The following RBBP4 variants were observed in gnomAD, a reference collection of about 807,000 sequenced individuals.
The protein encoded by RBBP4 is histone-binding protein RBBP4.
A neutral mutation model predicts 57.2 loss-of-function variants in RBBP4; 3 were observed. The observed-to-expected ratio is 0.05, with a 90% CI of 0.02 to 0.14. The LOEUF (loss-of-function observed/expected upper bound fraction) is 0.14, where lower values mean the gene tolerates loss of function less well. Among genes scored for constraint, RBBP4 ranks in the 10% least tolerant of loss-of-function variants. The pLI is 1.00. For missense variants in RBBP4, 107 were observed against 520.6 expected, an observed-to-expected ratio of 0.21 and a Z score of 7.73; for synonymous variants, 151 against 171.5, an observed-to-expected ratio of 0.88 and a Z score of 0.93.
At chr1:32,678,469 C>A (rs1085458) in intron 11 of RBBP4, among the ~76,000 whole-genome samples, 125,890 of 151,908 alleles carry the variant, frequency 0.83, 54,656 homozygotes, top group Non-Finnish European at 0.96. Context: ...TCAGGTGATA[C>A]GCCTGCCTTG....
intron 2 of RBBP4, among the ~76,000 whole-genome samples, chr1:32,652,662 C>T (rs1309117816): frequency 4.6e-5 from 7 of 152,154 alleles, no homozygotes; most frequent in Admixed American, 3.9e-4. Context: ...TGCCTAAGCC[C>T]TCCCAAGTAG....
In RBBP4 at chr1:32,683,661, TC is replaced by T. The variant is rs541879021; in HGVS notation, c.*3957del. The stretch of plus-strand genomic sequence containing the variant: ...GGGTTTTTGTTTTGTTTTGAGGCAG[TC>T]TCACTCTGTTGTACAAGCTGGAGTG... On this transcript the variant is annotated 3_prime_UTR_variant, in exon 12 of 12. Coordinates refer to ENST00000373493, the MANE Select transcript of RBBP4 (RefSeq NM_005610.3). 457 of 173,830 alleles carry T rather than the reference TC, an allele frequency of 2.6e-3. 3 individuals carry two copies. The highest frequency in any genetic ancestry group is 9.9e-3 in the African/African-American group (416 of 42,204). The allele number at this position is 173,830 out of a possible 1,614,324, so 10.8% of individuals were successfully genotyped here. A position where few individuals can be genotyped will look rare whatever the true frequency, so the allele number is the denominator to read the frequency against.
chr1:32,665,054 A>G (rs1327123101), intron 3 of RBBP4, among the ~76,000 whole-genome samples: 1 of 152,200 alleles, frequency 6.6e-6, no homozygotes, highest in Non-Finnish European at 1.5e-5. Context: ...GACTTAGTGC[A>G]GGGTTGCTGT....
rs1285270077 is a variant in RBBP4 at position 32,681,918 on chromosome 1, G to C, written c.*2213G>C. On this transcript the variant is annotated 3_prime_UTR_variant, in exon 12 of 12. Transcript: ENST00000373493. ...GAACTTCTGAGGTTTAGTTACTGCA[G>C]GCTTTGTTGAGAAGAGATTGTTACA... 3.4e-6 allele frequency: 5 copies of C among 1,477,418 alleles called. No homozygotes were observed. The East Asian group carries it at 1.1e-4, about 33-fold the overall frequency. The allele number at this position is 1,477,418 out of a possible 1,614,324, so 91.5% of individuals were successfully genotyped here.
At chr1:32,664,269 C>T (rs191304238) in intron 3 of RBBP4, among the ~76,000 whole-genome samples, 28 of 152,104 alleles carry the variant, frequency 1.8e-4, no homozygotes, top group East Asian at 5.8e-4. Flanking sequence ...ATTTTGAATA[C>T]GCTAAGTTCT....
rs992180528 is a variant in RBBP4 at position 32,680,207 on chromosome 1, A to G, written c.*502A>G. 4.4e-5 allele frequency: 49 copies of G among 1,122,828 alleles called. No homozygotes were observed. In the African/African-American group the frequency reaches 6.7e-4, roughly 15 times the overall value. The allele number at this position is 1,122,828 out of a possible 1,614,324, so 69.6% of individuals were successfully genotyped here. Reference sequence around the variant, plus strand: ...GGATGCACATTTTCATACGTAGACCAGTTTCCTCTTGGTTTCTTCAGTTAA... The same window carrying G: ...GGATGCACATTTTCATACGTAGACCGGTTTCCTCTTGGTTTCTTCAGTTAA... On this transcript the variant is annotated 3_prime_UTR_variant, in exon 12 of 12. Transcript: ENST00000373493.
At position 32,682,073 on chromosome 1, in the gene RBBP4, C is replaced by G; in HGVS notation, c.*2368C>G. ...AACGTTTTCTCTGCTAGGTTAACTT[C>G]TTACAGGTATAATTACAATGCCTGA... On this transcript the variant is annotated 3_prime_UTR_variant, in exon 12 of 12. Transcript: ENST00000373493. 1.8e-6 allele frequency: 1 copy of G among 548,126 alleles called. No individual in the cohort carries two copies. The highest frequency in any genetic ancestry group is 3.2e-6 in the Non-Finnish European group (1 of 308,306). The allele number at this position is 548,126 out of a possible 1,614,324, so 34.0% of individuals were successfully genotyped here.
chr1:32,674,902 G>T (rs113277567), intron 11 of RBBP4, among the ~76,000 whole-genome samples: 7 of 148,678 alleles, frequency 4.7e-5, no homozygotes, highest in African/African-American at 1.8e-4. Flanking sequence ...TAGTTTTTTT[G>T]TTGTTGTTTT....
At chr1:32,657,892 G>A (rs766802692) in intron 3 of RBBP4, among the ~76,000 whole-genome samples, 1 of 152,030 alleles carries the variant, frequency 6.6e-6, no homozygotes, top group Non-Finnish European at 1.5e-5. Context: ...TCGCTCTATT[G>A]CCTAGGTTGG....
chr1:32,651,675 G>C, intron 1 of RBBP4: 1 of 751,114 alleles, frequency 1.3e-6, no homozygotes, highest in Non-Finnish European at 2.1e-6. Context: ...GCGCGCACGA[G>C]CGTGCTCCGA....
At chr1:32,653,636 G>A (rs1187374150) in intron 2 of RBBP4, among the ~76,000 whole-genome samples, 1 of 15,248 alleles carries the variant, frequency 6.6e-5, no homozygotes, top group Admixed American at 1.0e-3. Flanking sequence ...TTTGTTTTCT[G>A]GTTTTTTTTT....
Position 32,662,908 on chromosome 1 carries a change from C to A in RBBP4, c.311-5317C>A, listed in dbSNP as rs181273267. ...CTGATGCAGTAGAATCGCTTGAACC[C>A]AGGAGGCGGAGGTTGCAGTGAGCCG... On this transcript the variant is annotated intron_variant, in intron 3 of 11. Coordinates refer to ENST00000373493, the MANE Select transcript of RBBP4 (RefSeq NM_005610.3). 3.3e-5 allele frequency among the ~76,000 whole-genome samples: 5 copies of A among 152,024 alleles called. No homozygotes were observed. The South Asian group carries it at 8.3e-4, about 25-fold the overall frequency.
intron 3 of RBBP4, among the ~76,000 whole-genome samples, chr1:32,665,118 G>A (rs1452011928): frequency 1.3e-5 from 2 of 152,060 alleles, no homozygotes; most frequent in Non-Finnish European, 2.9e-5. Flanking sequence ...AACGAGCTAT[G>A]CCTGTACTTA....
chr1:32,675,179 CG>C (rs1649046181), intron 11 of RBBP4, among the ~76,000 whole-genome samples: 1 of 151,858 alleles, frequency 6.6e-6, no homozygotes, highest in Non-Finnish European at 1.5e-5. Context: ...TACAGGCATG[CG>C]CCACCACGCC....
chr1:32,667,787 T>C (rs1421131429), intron 3 of RBBP4, among the ~76,000 whole-genome samples: 1 of 152,250 alleles, frequency 6.6e-6, no homozygotes, highest in African/African-American at 2.4e-5. Flanking sequence ...TGATACAGCA[T>C]GGCATAATGT....
chr1:32,674,565 G>C (rs762299715), intron 11 of RBBP4, among the ~76,000 whole-genome samples: 1 of 151,646 alleles, frequency 6.6e-6, no homozygotes, highest in Non-Finnish European at 1.5e-5. Flanking sequence ...GCGTAACTTG[G>C]TGGTTGTCTG....
intron 11 of RBBP4, among the ~76,000 whole-genome samples, chr1:32,678,531 C>A (rs1485592421): frequency 7.2e-6 from 1 of 138,004 alleles, no homozygotes; most frequent in Non-Finnish European, 1.6e-5. Context: ...CTGGCCTGGA[C>A]ACCTTATATA....
rs751764783 is a variant in RBBP4 at position 32,651,296 on chromosome 1, G to C, written c.-11G>C. 6.8e-7 allele frequency: 1 copy of C among 1,478,474 alleles called. No homozygotes were observed. Among genetic ancestry groups the C allele is most frequent in the East Asian group, 2.8e-5 (1 of 35,720 alleles). 91.6% of individuals were successfully genotyped at this position (1,478,474 alleles called of 1,614,324 possible). ...CTCGACCCCAGGATTCCCCCGGCTC[G>C]CCTGCCCGCCATGGCCGACAAGGAA... On this transcript the variant is annotated 5_prime_UTR_variant, in exon 1 of 12. Transcript: ENST00000373493.
At chr1:32,653,251 A>C (rs1218430201) in intron 2 of RBBP4, among the ~76,000 whole-genome samples, 2 of 152,186 alleles carry the variant, frequency 1.3e-5, no homozygotes, top group Non-Finnish European at 2.9e-5. Context: ...AAGAAATGAC[A>C]ATGCAAAAAA....
Sources: allele counts gnomAD v4.1 joint callset (sites outside exome capture counted in the v4.1 genomes callset), GRCh38; gene constraint gnomAD v4.1.1; transcripts MANE v1.5; gene names NCBI Gene and HGNC (gene_info 2026-07-23, HGNC 2026-07-21).